PRKAA1: variants seen among roughly 807,000 people sequenced by gnomAD.
PRKAA1 encodes the protein protein kinase AMP-activated catalytic subunit alpha 1.
A neutral mutation model predicts 56.9 loss-of-function variants in PRKAA1; 23 were observed. The ratio of observed to expected loss-of-function variants is 0.40; its 90% CI spans 0.29 to 0.57. PRKAA1 has a LOEUF of 0.57. Among genes scored for constraint, PRKAA1 ranks in the 20% least tolerant of loss-of-function variants. The pLI is 0.39. For missense variants in PRKAA1, 413 were observed against 679.7 expected (o/e 0.61, Z 4.36); for synonymous variants, 226 against 227.0 (o/e 1.00, Z 0.04).
intron 1 of PRKAA1, among the ~76,000 whole-genome samples, chr5:40,791,152 A>G (rs1350157259): frequency 6.6e-6 from 1 of 152,222 alleles, no homozygotes; most frequent in African/African-American, 2.4e-5. Context: ...CCCAGTGAGT[A>G]AACTCAGTTG....
intron 1 of PRKAA1, among the ~76,000 whole-genome samples, chr5:40,795,004 T>TACAC (rs776449388): frequency 0.045 from 6,246 of 137,542 alleles, 156 homozygotes; most frequent in Non-Finnish European, 0.062. Context: ...TGTATACATA[T>TACAC]ATATACACAC....
intron 1 of PRKAA1, among the ~76,000 whole-genome samples, chr5:40,796,172 C>A (rs149146676): frequency 1.3e-5 from 2 of 151,890 alleles, no homozygotes; most frequent in Non-Finnish European, 2.9e-5. Flanking sequence ...TGAAATTAGC[C>A]GGGTGTGGTG....
chr5:40,796,969 A>G (rs905245898), intron 1 of PRKAA1, among the ~76,000 whole-genome samples: 1 of 150,932 alleles, frequency 6.6e-6, no homozygotes, highest in Non-Finnish European at 1.5e-5. Flanking sequence ...ACAAAGTCAA[A>G]TATGTTAAAG....
intron 4 of PRKAA1, among the ~76,000 whole-genome samples, chr5:40,770,772 G>C (rs1383620121): frequency 2.0e-5 from 3 of 151,402 alleles, no homozygotes; most frequent in Admixed American, 1.3e-4. Context: ...TGTATTTTTA[G>C]TAGAGATGGG....
At chr5:40,790,252 CA>C (rs1425691436) in intron 1 of PRKAA1, 1 of 152,244 alleles carries the variant, frequency 6.6e-6, no homozygotes, top group East Asian at 1.9e-4. Context: ...AACAAGTTAA[CA>C]GAAGTAATAT....
chr5:40,767,938 C>A (rs1231625535), intron 5 of PRKAA1, among the ~76,000 whole-genome samples: 2 of 152,164 alleles, frequency 1.3e-5, no homozygotes, highest in African/African-American at 2.4e-5. Flanking sequence ...TGGGATCTGA[C>A]AATAGGGCCA....
Position 40,762,871 on chromosome 5 carries a change from G to A in PRKAA1, c.1587C>T (p.Asp529=). ...VSLTSSVTSL[D]SSPVDLTPRP... ...TTGGAGTTAGGTCAACAGGAGAAGA[G>A]TCAAGTGAGGTCACAGATGAGGTAA... Residue 529 remains aspartate (D), a synonymous_variant, in exon 9 of 9, where the codon GAC becomes GAT. Transcript: ENST00000397128. The A allele has an allele frequency of 6.2e-7, 1 of 1,614,192 alleles. No individual in the cohort carries two copies. Among genetic ancestry groups the A allele is most frequent in the Non-Finnish European group, 8.5e-7 (1 of 1,180,036 alleles).
chr5:40,764,568 G>A lies in PRKAA1; in HGVS notation c.1381C>T (p.Gln461Ter), dbSNP rs1561165666. ...VTSTYSKMSL[Q>*]LYQVDSRTYL... ...GTTCTACTATCCACTTGGTATAACT[G>A]TAGACTCATTTTGGAGTAAGTGCTT... The change falls in exon 8 of 9, where the codon CAG becomes TAG. Residue 461 changes from glutamine to a stop codon, truncating the protein, a stop_gained. Transcript: ENST00000397128. LOFTEE classifies it high-confidence loss of function. 1 of 1,613,084 alleles carries A rather than the reference G, an allele frequency of 6.2e-7. No homozygotes were observed. Among genetic ancestry groups the A allele is most frequent in the Non-Finnish European group, 8.5e-7 (1 of 1,179,434 alleles).
rs200422518 is a variant in PRKAA1 at position 40,768,519 on chromosome 5, ATTAAG to A, written c.597-834_597-830del. ...AAAAATTTTTTAAATAATTTTTGAC[ATTAAG>A]TTAATATTTAAAAAAAAGATGAAAC... On this transcript the variant is annotated intron_variant, in intron 5 of 8. Coordinates refer to ENST00000397128, the MANE Select transcript of PRKAA1 (RefSeq NM_006251.6). 1.9e-3 allele frequency: 1,776 copies of A among 955,494 alleles called. 17 individuals are homozygous for A. The African/African-American group carries it at 0.026, about 14-fold the overall frequency. 59.2% of individuals were successfully genotyped at this position (955,494 alleles called of 1,614,324 possible). A position where few individuals can be genotyped will look rare whatever the true frequency, so the allele number is the denominator to read the frequency against.
chr5:40,778,276 G>A (rs1744108560), intron 1 of PRKAA1, among the ~76,000 whole-genome samples: 1 of 152,008 alleles, frequency 6.6e-6, no homozygotes, highest in African/African-American at 2.4e-5. Flanking sequence ...AATATATTTA[G>A]ACATATTATA....
intron 5 of PRKAA1, 42 bp downstream of exon 5, chr5:40,769,374 C>T (rs1286399250): frequency 6.9e-7 from 1 of 1,451,002 alleles, no homozygotes; most frequent in Non-Finnish European, 9.6e-7. Context: ...GAGAAAAAGA[C>T]AATTTCAAAT....
chr5:40,790,430 T>C (rs1744667268), intron 1 of PRKAA1, among the ~76,000 whole-genome samples: 1 of 152,124 alleles, frequency 6.6e-6, no homozygotes, highest in Admixed American at 6.5e-5. Context: ...AGGATAGGGC[T>C]TTTTGCTCCC....
chr5:40,767,396 CT>C (rs900284432), intron 6 of PRKAA1, 69 bp downstream of exon 6: 33,588 of 929,732 alleles, frequency 0.036, 6 homozygotes, highest in South Asian at 0.05. Context: ...TGTTCTGCAA[CT>C]TTTTTTTTTT....
chr5:40,797,915 TG>T, intron 1 of PRKAA1, 147 bp downstream of exon 1: 1 of 1,185,706 alleles, frequency 8.4e-7, no homozygotes, highest in Non-Finnish European at 1.1e-6. Context: ...CCGCGGCGGC[TG>T]GGGAGAGCTC....
At chr5:40,780,274 C>T (rs1744213002) in intron 1 of PRKAA1, among the ~76,000 whole-genome samples, 1 of 152,070 alleles carries the variant, frequency 6.6e-6, no homozygotes, top group Non-Finnish European at 1.5e-5. Flanking sequence ...ATTAAGTAGC[C>T]TGGTATACTT....
chr5:40,763,501 C>CT (rs955804516), intron 8 of PRKAA1, among the ~76,000 whole-genome samples: 5 of 152,150 alleles, frequency 3.3e-5, no homozygotes, highest in African/African-American at 1.2e-4. Flanking sequence ...CCCAACTCTC[C>CT]TAAGTCTCAG....
chr5:40,795,034 C>CACACACAA (rs545110871), intron 1 of PRKAA1, among the ~76,000 whole-genome samples: 1 of 145,924 alleles, frequency 6.9e-6, no homozygotes, highest in Admixed American at 6.8e-5. Context: ...CACACACACA[C>CACACACAA]AAAATGGAAT....
chr5:40,798,023 T>G, intron 1 of PRKAA1, 40 bp downstream of exon 1: 1 of 1,597,430 alleles, frequency 6.3e-7, no homozygotes, highest in South Asian at 1.1e-5. Context: ...GTCGTGCGGC[T>G]CCTCAGCTGG....
At chr5:40,777,188 T>A (rs1476744834) in intron 2 of PRKAA1, 1 of 239,978 alleles carries the variant, frequency 4.2e-6, no homozygotes, top group African/African-American at 2.3e-5. Context: ...AATTTTTGTA[T>A]TTTTACTGGA....
Sources: allele counts gnomAD v4.1 joint callset (sites outside exome capture counted in the v4.1 genomes callset), GRCh38; gene constraint gnomAD v4.1.1; transcripts MANE v1.5; gene names NCBI Gene and HGNC (gene_info 2026-07-23, HGNC 2026-07-21).